Variants in CELF4 observed in about 807,000 individuals in gnomAD.
CELF4 encodes the protein CUG-BP- and ETR-3-like factor 4.
In CELF4, 18 loss-of-function variants were observed where a neutral mutation model predicts 59.9. That is an observed-to-expected ratio of 0.30 (90% CI 0.21 to 0.45). The LOEUF (loss-of-function observed/expected upper bound fraction) is 0.45. Among genes scored for constraint, CELF4 ranks in the 20% least tolerant of loss-of-function variants. The probability of loss-of-function intolerance (pLI) is 1.00; values close to 1 mark genes in which losing one functional copy is unlikely to be tolerated. For synonymous variants in CELF4, 261 were observed against 267.1 expected (o/e 0.98, Z 0.22); for missense variants, 456 against 689.0 (o/e 0.66, Z 3.79).
intron 2 of CELF4, among the ~76,000 whole-genome samples, chr18:37,353,332 T>C (rs1483098437): frequency 6.6e-6 from 1 of 151,228 alleles, no homozygotes; most frequent in Admixed American, 6.6e-5. Flanking sequence ...AACTTTCCAG[T>C]GAGGCCAGAT....
At chr18:37,281,240 A>G (rs2094105674) in intron 3 of CELF4, among the ~76,000 whole-genome samples, 1 of 152,158 alleles carries the variant, frequency 6.6e-6, no homozygotes, top group African/African-American at 2.4e-5. Context: ...TGGGCCTCTG[A>G]GTGGTGAGGA....
intron 3 of CELF4, among the ~76,000 whole-genome samples, chr18:37,320,338 A>G (rs1177096945): frequency 6.9e-6 from 1 of 145,438 alleles, no homozygotes; most frequent in South Asian, 2.1e-4. Flanking sequence ...TCCATCTCAA[A>G]AAAAAAAAAA....
intron 1 of CELF4, among the ~76,000 whole-genome samples, chr18:37,489,247 C>T (rs1354542473): frequency 3.9e-5 from 6 of 152,240 alleles, no homozygotes; most frequent in East Asian, 1.9e-4. Context: ...AAGGCAAATG[C>T]GGATAAGCAG....
chr18:37,336,860 T>C (rs547432421), intron 2 of CELF4, among the ~76,000 whole-genome samples: 15 of 152,346 alleles, frequency 9.8e-5, no homozygotes, highest in African/African-American at 3.6e-4. Context: ...GCGCTGGCCC[T>C]GGGGTGCCCT....
chr18:37,277,421 C>T (rs1008696618), intron 3 of CELF4, among the ~76,000 whole-genome samples: 2 of 152,158 alleles, frequency 1.3e-5, no homozygotes, highest in African/African-American at 4.8e-5. Context: ...CTGCGTGCAG[C>T]CCTCCCCCAC....
chr18:37,529,050 C>G (rs1161258522), intron 1 of CELF4: 2 of 152,012 alleles, frequency 1.3e-5, no homozygotes, highest in African/African-American at 4.8e-5. Flanking sequence ...GGTAGGATGA[C>G]CCAGGTGGAG....
intron 2 of CELF4, among the ~76,000 whole-genome samples, chr18:37,468,400 G>A (rs2099813815): frequency 6.6e-6 from 1 of 152,140 alleles, no homozygotes; most frequent in Admixed American, 6.5e-5. Context: ...AGTGGGTCAG[G>A]GCCATGGCAG....
intron 3 of CELF4, among the ~76,000 whole-genome samples, chr18:37,285,883 T>C (rs1264345784): frequency 1.3e-5 from 2 of 152,216 alleles, no homozygotes; most frequent in East Asian, 3.8e-4. Context: ...TAGACGGCCC[T>C]GGAGTTCTGT....
intron 2 of CELF4, among the ~76,000 whole-genome samples, chr18:37,426,925 G>A (rs1355392624): frequency 6.9e-6 from 1 of 144,634 alleles, no homozygotes; most frequent in Non-Finnish European, 1.5e-5. Context: ...GACTTGCAGA[G>A]ACTTTAATCC....
At chr18:37,353,233 A>AAATATAT (rs71168258) in intron 2 of CELF4, among the ~76,000 whole-genome samples, 210 of 106,964 alleles carry the variant, frequency 2.0e-3, no homozygotes, top group African/African-American at 6.0e-3. Context: ...AAAAAAAAAA[A>AAATATAT]ATATATATAT....
intron 1 of CELF4, among the ~76,000 whole-genome samples, chr18:37,524,891 G>A (rs1308695345): frequency 1.3e-5 from 2 of 152,178 alleles, no homozygotes; most frequent in Admixed American, 1.3e-4. Context: ...GGGGCGCGGG[G>A]GTCGCGGCGG....
intron 3 of CELF4, among the ~76,000 whole-genome samples, chr18:37,310,610 C>G (rs2154487814): frequency 6.6e-6 from 1 of 152,338 alleles, no homozygotes; most frequent in East Asian, 1.9e-4. Context: ...CACTTCTGAT[C>G]TCTCTGGTTC....
At chr18:37,427,483 G>A (rs188776510) in intron 2 of CELF4, among the ~76,000 whole-genome samples, 188 of 152,218 alleles carry the variant, frequency 1.2e-3, no homozygotes, top group African/African-American at 4.3e-3. Flanking sequence ...GGGAACTGTG[G>A]GGGAAGCCAA....
At chr18:37,293,932 T>C (rs2095493874) in intron 3 of CELF4, among the ~76,000 whole-genome samples, 1 of 152,056 alleles carries the variant, frequency 6.6e-6, no homozygotes, top group African/African-American at 2.4e-5. Context: ...GAGGAAGGGA[T>C]CACTAAAACC....
Position 37,565,688 on chromosome 18 carries a change from G to C in CELF4, c.-47C>G. ...TATTCTTTCTCGCTCACACTCTCTC[G>C]CTCCTCTCTCTCGCTCGCTCGCGCT... On this transcript the variant is annotated 5_prime_UTR_variant, in exon 1 of 13. Coordinates refer to ENST00000420428, the MANE Select transcript of CELF4 (RefSeq NM_020180.4). 2.7e-6 allele frequency: 4 copies of C among 1,459,690 alleles called. No homozygotes were observed. The highest frequency in any genetic ancestry group is 2.7e-6 in the Non-Finnish European group (3 of 1,103,028). 90.4% of individuals were successfully genotyped at this position (1,459,690 alleles called of 1,614,324 possible). A position where few individuals can be genotyped will look rare whatever the true frequency, so the allele number is the denominator to read the frequency against.
chr18:37,533,863 A>G (rs2099971378), intron 1 of CELF4, among the ~76,000 whole-genome samples: 1 of 152,106 alleles, frequency 6.6e-6, no homozygotes, highest in South Asian at 2.1e-4. Flanking sequence ...TTGGAAGGAA[A>G]CCTTGTCATC....
At chr18:37,539,460 C>CACAA (rs2099976071) in intron 1 of CELF4, among the ~76,000 whole-genome samples, 1 of 113,530 alleles carries the variant, frequency 8.8e-6, no homozygotes, top group South Asian at 3.0e-4. Context: ...CACACACACA[C>CACAA]ACACACACAC....
At chr18:37,435,008 G>C (rs1791482) in intron 2 of CELF4, among the ~76,000 whole-genome samples, 17,967 of 152,092 alleles carry the variant, frequency 0.12, 1,122 homozygotes, top group Middle Eastern at 0.16. Context: ...TCCACAGGAG[G>C]GGGGGATCCA....
chr18:37,549,025 C>T (rs2099982311), intron 1 of CELF4, among the ~76,000 whole-genome samples: 1 of 152,222 alleles, frequency 6.6e-6, no homozygotes, highest in Non-Finnish European at 1.5e-5. Flanking sequence ...AACAGCCCTC[C>T]CCTCAGGAAT....
Sources: gnomAD v4.1 joint callset for allele counts (sites outside exome capture counted in the v4.1 genomes callset) on GRCh38, gnomAD v4.1.1 for gene constraint, MANE v1.5 for transcripts, NCBI Gene and HGNC (gene_info 2026-07-23, HGNC 2026-07-21) for gene names.